Variants in ACP6 observed in about 807,000 individuals in gnomAD.
ACP6 encodes the protein lysophosphatidic acid phosphatase type 6.
Under a neutral mutation model 48.1 loss-of-function variants are expected in ACP6, and 48 were observed. The observed-to-expected ratio is 1.00, with a 90% CI of 0.79 to 1.27. The LOEUF (loss-of-function observed/expected upper bound fraction) is 1.27. Ranked by LOEUF, ACP6 falls within the 50% of genes most tolerant of loss-of-function variation. ACP6 has a pLI of 0.00. For missense variants in ACP6, 485 were observed against 529.1 expected, an observed-to-expected ratio of 0.92 and a Z score of 0.82; for synonymous variants, 172 against 204.2, an observed-to-expected ratio of 0.84 and a Z score of 1.34.
At chr1:147,659,309 A>G in intron 3 of ACP6, 87 bp downstream of exon 3, 1 of 1,533,200 alleles carries the variant, frequency 6.5e-7, no homozygotes, top group Middle Eastern at 1.9e-4. Context: ...CTTGGGTGAC[A>G]GTGGGAACCA....
intron 7 of ACP6, chr1:147,651,045 C>T (rs1326178669): frequency 6.6e-6 from 1 of 151,846 alleles, no homozygotes; most frequent in Non-Finnish European, 1.5e-5. Flanking sequence ...CAAATGAAAA[C>T]AAGGTTGCCA....
At position 147,655,221 on chromosome 1, in the gene ACP6, G is replaced by T. The variant is rs372140614; in HGVS notation, c.587C>A (p.Ala196Glu). Reference protein sequence around the residue: ...EGPIIIHTDEADSEVLYPNYQ... With the variant: ...EGPIIIHTDEEDSEVLYPNYQ... Reference sequence around the variant, plus strand: ...GTTGGGATACAAGACTTCTGAATCTGCTTCATCAGTGTGGATGATGATGGG... The same window carrying T: ...GTTGGGATACAAGACTTCTGAATCTTCTTCATCAGTGTGGATGATGATGGG... Residue 196 changes from alanine to glutamate, a missense_variant, in exon 5 of 10, where the codon GCA becomes GAA. By Grantham distance (107) the Ala-to-Glu change is moderately radical. Transcript: ENST00000583509. 20 of 1,608,132 alleles carry T rather than the reference G, an allele frequency of 1.2e-5. No homozygotes were observed. The East Asian group carries it at 1.3e-4, about 11-fold the overall frequency.
chr1:147,669,805 G>A (rs1553214302), intron 1 of ACP6, 25 bp downstream of exon 1: 3 of 1,546,530 alleles, frequency 1.9e-6, no homozygotes. Flanking sequence ...CGCCCCACCA[G>A]CCCCAGCCCG....
intron 4 of ACP6, among the ~76,000 whole-genome samples, chr1:147,655,746 C>A (rs958548282): frequency 5.3e-5 from 8 of 152,130 alleles, no homozygotes; most frequent in African/African-American, 1.9e-4. Context: ...CATAGCCTTG[C>A]CCAAAATAAA....
intron 8 of ACP6, among the ~76,000 whole-genome samples, chr1:147,648,806 C>T (rs1412681059): frequency 6.6e-6 from 1 of 152,146 alleles, no homozygotes; most frequent in African/African-American, 2.4e-5. Flanking sequence ...GTTGGGGAAG[C>T]TTGAAGTTTT....
Position 147,670,080 on chromosome 1 carries a change from G to A in ACP6, c.-32C>T, listed in dbSNP as rs1553214471. 12 of 1,462,900 alleles carry A rather than the reference G, an allele frequency of 8.2e-6. No individual in the cohort carries two copies. Among genetic ancestry groups the A allele is most frequent in the African/African-American group, 4.2e-5 (3 of 71,048 alleles). The allele number at this position is 1,462,900 out of a possible 1,614,324, so 90.6% of individuals were successfully genotyped here. On this transcript the variant is annotated 5_prime_UTR_variant, in exon 1 of 10. Coordinates refer to ENST00000583509, the MANE Select transcript of ACP6 (RefSeq NM_016361.5). ...AGGCCCTCGCTGCCCTCCGGGTTGA[G>A]GCTGCAGGAGGCAAACACAAGTCTT... is the stretch of plus-strand genomic sequence containing the variant.
chr1:147,632,192 C>CAAA, intron 5 of ACP6, among the ~76,000 whole-genome samples: 1 of 126,284 alleles, frequency 7.9e-6, no homozygotes, highest in Non-Finnish European at 1.6e-5. Flanking sequence ...CTACCTATGC[C>CAAA]CAACACACAC....
At position 147,659,417 on chromosome 1, in the gene ACP6, G is replaced by T. The variant is rs142819133; in HGVS notation, c.458C>A (p.Thr153Asn). 4.1e-4 allele frequency: 664 copies of T among 1,614,174 alleles called. No individual in the cohort carries two copies. Among genetic ancestry groups the T allele is most frequent in the Non-Finnish European group, 2.3e-4 (274 of 1,180,006 alleles). The change falls in exon 3 of 10, where the codon ACC becomes AAC. Residue 153 changes from threonine (T) to asparagine (N), a missense_variant. Physicochemically the swap from Thr to Asn is moderately conservative, Grantham distance 65. Transcript: ENST00000583509. The stretch of plus-strand genomic sequence containing the variant: ...TCACAAGACCTCCTGTGGGTTGAAG[G>T]TTGGTGAAAGAAAGGGAATGTCTTC... ...YVEDIPFLSP[T>N]FNPQEVFIRS... is the part of the protein sequence containing the mutation.
In ACP6 at chr1:147,642,429, A is replaced by T. The variant is rs374824499; in HGVS notation, c.*4994T>A. ...GGGAGTGTGGGTCAGGGGTCAGGTG[A>T]TGGAAAAATGTGTGCCAAGGTAAAG... is the stretch of plus-strand genomic sequence containing the variant. On this transcript the variant is annotated 3_prime_UTR_variant, in exon 10 of 10. Coordinates refer to ENST00000583509, the MANE Select transcript of ACP6 (RefSeq NM_016361.5). 1.3e-5 allele frequency: 2 copies of T among 152,030 alleles called. No homozygotes were observed. Among genetic ancestry groups the T allele is most frequent in the South Asian group, 4.1e-4 (2 of 4,830 alleles). The allele number at this position is 152,030 out of a possible 1,614,324, so 9.4% of individuals were successfully genotyped here.
At position 147,645,630 on chromosome 1, in the gene ACP6, T is replaced by C. The variant is rs1553209361; in HGVS notation, c.*1793A>G. 1 of 152,196 alleles carries C rather than the reference T, an allele frequency of 6.6e-6. No individual in the cohort carries two copies. The highest frequency in any genetic ancestry group is 2.4e-5 in the African/African-American group (1 of 41,450). The allele number at this position is 152,196 out of a possible 1,614,324, so 9.4% of individuals were successfully genotyped here. ...AGAAGAATGAAAACTGGCTATTGGA[T>C]TCACCACACAAAGGCTATTGATGAT... On this transcript the variant is annotated 3_prime_UTR_variant, in exon 10 of 10. Coordinates refer to ENST00000583509, the MANE Select transcript of ACP6 (RefSeq NM_016361.5).
rs1431620657 is a variant in ACP6 at position 147,645,687 on chromosome 1, G to C, written c.*1736C>G. The C allele has an allele frequency of 6.6e-6, 1 of 152,194 alleles. No homozygotes were observed. The highest frequency in any genetic ancestry group is 6.5e-5 in the Admixed American group (1 of 15,282). 9.4% of individuals were successfully genotyped at this position (152,194 alleles called of 1,614,324 possible). On this transcript the variant is annotated 3_prime_UTR_variant, in exon 10 of 10. Transcript: ENST00000583509. The stretch of plus-strand genomic sequence containing the variant: ...AAGAGCAGTTTCCATGGAGTGGTGG[G>C]GGTGAATACTTAATTGTAGCTGGTT...
intron 4 of ACP6, among the ~76,000 whole-genome samples, chr1:147,656,409 G>T (rs948640405): frequency 2.0e-5 from 3 of 152,152 alleles, no homozygotes; most frequent in African/African-American, 7.2e-5. Context: ...TAGTCCACTT[G>T]CATGTCCCAT....
intron 5 of ACP6, among the ~76,000 whole-genome samples, chr1:147,632,942 G>T (rs1214598908): frequency 6.6e-6 from 1 of 152,116 alleles, no homozygotes; most frequent in East Asian, 1.9e-4. Context: ...CACTGGAGAA[G>T]AGGTAGGAAT....
At chr1:147,639,970 G>A (rs1553208450), downstream of ACP6, among the ~76,000 whole-genome samples, 1 of 151,962 alleles carries the variant, frequency 6.6e-6, no homozygotes, top group African/African-American at 2.4e-5. Context: ...ACACATACTT[G>A]CCTTCTCTAA....
intron 4 of ACP6, among the ~76,000 whole-genome samples, chr1:147,656,391 C>T (rs587684417): frequency 1.3e-4 from 20 of 152,264 alleles, no homozygotes; most frequent in African/African-American, 3.9e-4. Context: ...AGGTGGAGAT[C>T]GAAAGCATAG....
rs1553209589 is a variant in ACP6 at position 147,647,249 on chromosome 1, T to C, written c.*174A>G. 7 of 732,496 alleles carry C rather than the reference T, an allele frequency of 9.6e-6. No individual in the cohort carries two copies. The allele number at this position is 732,496 out of a possible 1,614,324, so 45.4% of individuals were successfully genotyped here. A position where few individuals can be genotyped will look rare whatever the true frequency, so the allele number is the denominator to read the frequency against. The stretch of plus-strand genomic sequence containing the variant: ...AAATATCCTTTTGGTCTCAATATTA[T>C]ACCCCTTTTCCGTTCAGGAAGAAAT... On this transcript the variant is annotated 3_prime_UTR_variant, in exon 10 of 10. Coordinates refer to ENST00000583509, the MANE Select transcript of ACP6 (RefSeq NM_016361.5).
chr1:147,659,658 T>A lies in ACP6; in HGVS notation c.337A>T (p.Thr113Ser). 6.2e-7 allele frequency: 1 copy of A among 1,614,144 alleles called. No homozygotes were observed. Among genetic ancestry groups the A allele is most frequent in the Non-Finnish European group, 8.5e-7 (1 of 1,180,024 alleles). The change falls in exon 2 of 10, where the codon ACC becomes TCC. Residue 113 changes from threonine to serine, a missense_variant. Coordinates refer to ENST00000583509, the MANE Select transcript of ACP6 (RefSeq NM_016361.5). ...YSPYDSQYHE[T>S]TLKGGMFAGQ... ...GAAGCATTGCTCACCTTCAGGGTGG[T>A]CTCATGGTATTGAGAGTCGTAAGGA... is the stretch of plus-strand genomic sequence containing the variant.
chr1:147,648,138 A>C (rs1659721200), intron 9 of ACP6, 108 bp downstream of exon 9: 1 of 1,333,284 alleles, frequency 7.5e-7, no homozygotes. Flanking sequence ...TGACTGTGCC[A>C]AGAGAGACTC....
chr1:147,651,733 G>A (rs2148905374), intron 7 of ACP6: 1 of 152,206 alleles, frequency 6.6e-6, no homozygotes, highest in East Asian at 1.9e-4. Flanking sequence ...GCAAATTCTT[G>A]AACTGTTAGA....
Sources: allele counts gnomAD v4.1 joint callset (sites outside exome capture counted in the v4.1 genomes callset), GRCh38; gene constraint gnomAD v4.1.1; transcripts MANE v1.5; gene names NCBI Gene and HGNC (gene_info 2026-07-23, HGNC 2026-07-21).